The following CDYL2 variants were observed in gnomAD, a reference collection of about 807,000 sequenced individuals.
CDYL2 encodes chromodomain Y-like protein 2.
A neutral mutation model predicts 49.4 loss-of-function variants in CDYL2; 23 were observed. That is an observed-to-expected ratio of 0.47 (90% CI 0.34 to 0.66). The LOEUF (loss-of-function observed/expected upper bound fraction) is 0.66, where lower values mean the gene tolerates loss of function less well. Among genes scored for constraint, CDYL2 ranks in the 30% least tolerant of loss-of-function variants. The pLI, the probability that CDYL2 is intolerant of heterozygous loss-of-function variation, is 0.01. For synonymous variants in CDYL2, 360 were observed against 268.8 expected (o/e 1.34, Z -3.32); for missense variants, 678 against 656.4 (o/e 1.03, Z -0.36).
intron 1 of CDYL2, among the ~76,000 whole-genome samples, chr16:80,748,478 C>G (rs1448505504): frequency 1.6e-5 from 2 of 126,052 alleles, no homozygotes; most frequent in Non-Finnish European, 3.2e-5. Context: ...CACTGCCCTC[C>G]AGCCTGGGCG....
chr16:80,676,880 T>C (rs967700091), intron 2 of CDYL2, among the ~76,000 whole-genome samples: 2 of 152,150 alleles, frequency 1.3e-5, no homozygotes, highest in African/African-American at 2.4e-5. Context: ...CTAGAACGTT[T>C]AGATTTGCCT....
chr16:80,647,593 G>T (rs960855266), intron 2 of CDYL2, among the ~76,000 whole-genome samples: 1 of 152,152 alleles, frequency 6.6e-6, no homozygotes, highest in Non-Finnish European at 1.5e-5. Context: ...AATAAGAGCT[G>T]TAGACTTGAA....
In CDYL2 at chr16:80,603,407, C is replaced by T. The variant is rs1906183076; in HGVS notation, c.*981G>A. The stretch of plus-strand genomic sequence containing the variant: ...AAGACAGCAGAGGGAAGAAAAAACT[C>T]TCCCAAGATGTCTCCTAAGGACAAA... On this transcript the variant is annotated 3_prime_UTR_variant, in exon 7 of 7. Coordinates refer to ENST00000570137, the MANE Select transcript of CDYL2 (RefSeq NM_152342.4). 1 of 152,186 alleles carries T rather than the reference C, an allele frequency of 6.6e-6. No homozygotes were observed. The highest frequency in any genetic ancestry group is 2.4e-5 in the African/African-American group (1 of 41,434). The allele number at this position is 152,186 out of a possible 1,614,324, so 9.4% of individuals were successfully genotyped here.
At chr16:80,628,278 A>T (rs1907391729) in intron 3 of CDYL2, 1 of 152,242 alleles carries the variant, frequency 6.6e-6, no homozygotes, top group Non-Finnish European at 1.5e-5. Flanking sequence ...AGAAGACTGG[A>T]CCTAGCAACT....
At chr16:80,696,315 A>G (rs1246465008) in intron 1 of CDYL2, among the ~76,000 whole-genome samples, 6 of 152,292 alleles carry the variant, frequency 3.9e-5, no homozygotes, top group East Asian at 1.9e-4. Flanking sequence ...CAAATGACCT[A>G]ATGATACATC....
At chr16:80,632,883 G>A (rs778100338) in intron 3 of CDYL2, 136 bp downstream of exon 3, 16 of 735,148 alleles carry the variant, frequency 2.2e-5, no homozygotes, top group Non-Finnish European at 3.0e-5. Flanking sequence ...CAAATTGCGC[G>A]CTGCAGTCAA....
rs933064345 is a variant in CDYL2 at position 80,707,726 on chromosome 16, A to C, written c.25-22597T>G. Among the ~76,000 whole-genome samples, 6 of 152,302 alleles carry C rather than the reference A, an allele frequency of 3.9e-5. No homozygotes were observed. In the East Asian group the frequency reaches 1.2e-3, roughly 29 times the overall value. On this transcript the variant is annotated intron_variant, in intron 1 of 6. Transcript: ENST00000570137. ...TTTAACAGAATCTGTGTCTGTTTGTAAAAGTGTGGCCAAGTCCAGCATCCA... is the reference window on the plus strand; with the variant it reads ...TTTAACAGAATCTGTGTCTGTTTGTCAAAGTGTGGCCAAGTCCAGCATCCA...
At position 80,804,589 on chromosome 16, in the gene CDYL2, T is replaced by A. The variant is rs1908042861; in HGVS notation, c.-416A>T. Among the ~76,000 whole-genome samples, 2 of 143,088 alleles carry A rather than the reference T, an allele frequency of 1.4e-5. No individual in the cohort carries two copies. Among genetic ancestry groups the A allele is most frequent in the Non-Finnish European group, 1.5e-5 (1 of 64,692 alleles). 93.9% of individuals were successfully genotyped at this position (143,088 alleles called of 152,430 possible). ...CGGCGCCCGCCGCCGGCCCGGACGC[T>A]GCTGCCACTGGGCGAGTCCCCGCCC... On this transcript the variant is annotated 5_prime_UTR_variant, in exon 1 of 7. Coordinates refer to ENST00000570137, the MANE Select transcript of CDYL2 (RefSeq NM_152342.4).
Position 80,608,176 on chromosome 16 carries a change from C to T in CDYL2, c.1278G>A (p.Gly426=). 1 of 1,602,688 alleles carries T rather than the reference C, an allele frequency of 6.2e-7. No homozygotes were observed. Among genetic ancestry groups the T allele is most frequent in the Non-Finnish European group, 8.5e-7 (1 of 1,174,744 alleles). ...KLTAQEACSR[G]LVSQVFWPTT... ...TGGGCCAGAAGACCTGCGACACCAG[C>T]CCCCTGCTGCAGGCCTCCTGGGCGG... is the stretch of plus-strand genomic sequence containing the variant. The change falls in exon 6 of 7, where the codon GGG becomes GGA. Residue 426 remains glycine, a synonymous_variant. Transcript: ENST00000570137.
At chr16:80,681,939 GAATTA>G (rs1424311822) in intron 2 of CDYL2, among the ~76,000 whole-genome samples, 10 of 152,256 alleles carry the variant, frequency 6.6e-5, no homozygotes, top group African/African-American at 2.4e-4. Context: ...GTATTGAATT[GAATTA>G]AATTGACACC....
chr16:80,618,177 G>A (rs1320739047), intron 4 of CDYL2, among the ~76,000 whole-genome samples: 1 of 152,222 alleles, frequency 6.6e-6, no homozygotes, highest in East Asian at 1.9e-4. Context: ...CCTAAGGGGA[G>A]CTCACTTGCC....
chr16:80,636,282 T>C (rs909437191), intron 2 of CDYL2, among the ~76,000 whole-genome samples: 1 of 152,078 alleles, frequency 6.6e-6, no homozygotes. Flanking sequence ...ACCTACAGAA[T>C]GGGAGAAAAT....
intron 1 of CDYL2, among the ~76,000 whole-genome samples, chr16:80,692,541 A>C (rs1055894012): frequency 6.6e-6 from 1 of 152,238 alleles, no homozygotes; most frequent in Non-Finnish European, 1.5e-5. Context: ...AAGGTGTAGT[A>C]AGAATACATA....
At chr16:80,656,962 T>C (rs1908840448) in intron 2 of CDYL2, among the ~76,000 whole-genome samples, 1 of 152,200 alleles carries the variant, frequency 6.6e-6, no homozygotes, top group African/African-American at 2.4e-5. Flanking sequence ...CCAAGGGATG[T>C]GATATCCACG....
At chr16:80,639,757 C>A (rs1907998232) in intron 2 of CDYL2, 1 of 455,902 alleles carries the variant, frequency 2.2e-6, no homozygotes, top group Non-Finnish European at 4.4e-6. Context: ...CCTCTCTCCC[C>A]TCCCCCTGAA....
At chr16:80,633,312 G>C in intron 2 of CDYL2, 76 bp from the exon 3 acceptor site, 2 of 1,459,068 alleles carry the variant, frequency 1.4e-6, no homozygotes, top group Non-Finnish European at 1.9e-6. Flanking sequence ...GAGGACGTTG[G>C]GATTTCCAAT....
chr16:80,683,861 A>G (rs1446329237), intron 2 of CDYL2, among the ~76,000 whole-genome samples: 2 of 152,236 alleles, frequency 1.3e-5, no homozygotes, highest in Non-Finnish European at 2.9e-5. Context: ...TGGTGCCTTC[A>G]TCATGGACTT....
intron 1 of CDYL2, among the ~76,000 whole-genome samples, chr16:80,704,575 T>C (rs1484358410): frequency 5.3e-5 from 8 of 152,310 alleles, no homozygotes; most frequent in Admixed American, 2.0e-4. Flanking sequence ...ACCACCGGTG[T>C]GTACAAGGTA....
intron 1 of CDYL2, among the ~76,000 whole-genome samples, chr16:80,719,330 C>A (rs991832797): frequency 6.6e-6 from 1 of 152,162 alleles, no homozygotes; most frequent in African/African-American, 2.4e-5. Context: ...CTGCTCAGTG[C>A]CTCCGTTTCT....
Sources: gnomAD v4.1 joint callset for allele counts (sites outside exome capture counted in the v4.1 genomes callset) on GRCh38, gnomAD v4.1.1 for gene constraint, MANE v1.5 for transcripts, NCBI Gene and HGNC (gene_info 2026-07-23, HGNC 2026-07-21) for gene names.